Variants in MAG observed in about 807,000 individuals in gnomAD.
MAG encodes myelin-associated glycoprotein.
In MAG, 30 loss-of-function variants were observed where a neutral mutation model predicts 60.7. The observed-to-expected ratio is 0.49, with a 90% CI of 0.37 to 0.67. MAG has a LOEUF of 0.67. MAG is among the 30% of genes least tolerant of loss of function. MAG has a pLI of 0.00. For synonymous variants in MAG, 384 were observed against 376.8 expected, an observed-to-expected ratio of 1.02 and a Z score of -0.22; for missense variants, 795 against 851.7, an observed-to-expected ratio of 0.93 and a Z score of 0.83.
intron 7 of MAG, among the ~76,000 whole-genome samples, chr19:35,303,562 T>C (rs1268845004): frequency 6.6e-6 from 1 of 152,144 alleles, no homozygotes; most frequent in Non-Finnish European, 1.5e-5. Context: ...CCTCATCCTA[T>C]GTTATGACAG....
chr19:35,302,784 G>A (rs1442194430), intron 7 of MAG, 76 bp downstream of exon 7: 12 of 1,553,092 alleles, frequency 7.7e-6, no homozygotes, highest in Admixed American at 1.7e-5. Flanking sequence ...GGGTGCCCAC[G>A]CATCCCAATC....
chr19:35,313,400 C>T lies in MAG; in HGVS notation c.1827C>T (p.Asp609=). The T allele has an allele frequency of 6.2e-7, 1 of 1,614,020 alleles. No homozygotes were observed. The highest frequency in any genetic ancestry group is 8.5e-7 in the Non-Finnish European group (1 of 1,179,962). ...HSDLGKRPTK[D]SYTLTEELAE... ...ACCTGGGGAAACGGCCCACCAAGGA[C>T]AGCTACACGCTGACGGAGGAGCTAG... The change falls in exon 11 of 11, where the codon GAC becomes GAT. Residue 609 remains aspartate, a synonymous_variant. Coordinates refer to ENST00000392213, the MANE Select transcript of MAG (RefSeq NM_002361.4).
intron 1 of MAG, among the ~76,000 whole-genome samples, chr19:35,292,444 C>T (rs1191586460): frequency 6.6e-6 from 1 of 152,026 alleles, no homozygotes; most frequent in African/African-American, 2.4e-5. Flanking sequence ...CCCCCCTCAG[C>T]ACCCCTTGTG....
At chr19:35,313,264 T>A in intron 10 of MAG, 26 bp from the exon 11 acceptor site, 1 of 1,606,558 alleles carries the variant, frequency 6.2e-7, no homozygotes, top group East Asian at 2.2e-5. Context: ...AGCAGGACCC[T>A]GCTAATGGGC....
intron 4 of MAG, among the ~76,000 whole-genome samples, chr19:35,297,132 CACACACACCACACCAA>C (rs1302861400): frequency 1.4e-4 from 21 of 150,816 alleles, no homozygotes; most frequent in African/African-American, 4.6e-4. Flanking sequence ...CCACACACCA[CACACACACCACACCAA>C]ACACACACCA....
intron 4 of MAG, among the ~76,000 whole-genome samples, chr19:35,298,185 C>G (rs2066417204): frequency 6.6e-6 from 1 of 150,894 alleles, no homozygotes; most frequent in Non-Finnish European, 1.5e-5. Context: ...CACGCACACA[C>G]TACACCCTAT....
intron 7 of MAG, among the ~76,000 whole-genome samples, chr19:35,304,279 TG>T (rs1274601815): frequency 6.6e-6 from 1 of 152,144 alleles, no homozygotes. Flanking sequence ...CGTGCTATCC[TG>T]GGCCAGCTTC....
Position 35,299,754 on chromosome 19 carries a change from C to T in MAG, c.616C>T (p.Pro206Ser). The stretch of plus-strand genomic sequence containing the variant: ...GCAGGTGTCACTGCTGCACTTCGTG[C>T]CCACGAGGGAGGCCAACGGCCACAG... ...WVQVSLLHFV[P>S]TREANGHRLG... is the part of the protein sequence containing the mutation. Residue 206 changes from proline (P) to serine (S), a missense_variant, in exon 5 of 11, where the codon CCC (proline) becomes TCC (serine). Coordinates refer to ENST00000392213, the MANE Select transcript of MAG (RefSeq NM_002361.4). 1 of 1,555,290 alleles carries T rather than the reference C, an allele frequency of 6.4e-7. No individual in the cohort carries two copies.
intron 7 of MAG, among the ~76,000 whole-genome samples, chr19:35,307,746 A>T (rs1387176840): frequency 6.6e-6 from 1 of 152,168 alleles, no homozygotes; most frequent in Non-Finnish European, 1.5e-5. Context: ...ATGAAAGAAA[A>T]AACCTACCAG....
intron 7 of MAG, among the ~76,000 whole-genome samples, chr19:35,308,310 G>C (rs2066499866): frequency 6.6e-6 from 1 of 152,236 alleles, no homozygotes; most frequent in South Asian, 2.1e-4. Flanking sequence ...AGACCCTGGA[G>C]TGGGAGAAAG....
chr19:35,313,505 C>A lies in MAG; in HGVS notation c.*51C>A, dbSNP rs199585863. ...TGACCCCCCTCAGGACCCTCGCTGG[C>A]CCCCACTGGCTGTGGGCTCCCTTCC... On this transcript the variant is annotated 3_prime_UTR_variant, in exon 11 of 11. Transcript: ENST00000392213. 2 of 1,523,270 alleles carry A rather than the reference C, an allele frequency of 1.3e-6. No individual in the cohort carries two copies. Among genetic ancestry groups the A allele is most frequent in the Non-Finnish European group, 1.8e-6 (2 of 1,133,496 alleles). The allele number at this position is 1,523,270 out of a possible 1,614,324, so 94.4% of individuals were successfully genotyped here.
rs2066544991 is a variant in MAG at position 35,313,519 on chromosome 19, G to A, written c.*65G>A. 2.7e-6 allele frequency: 4 copies of A among 1,483,418 alleles called. No homozygotes were observed. 91.9% of individuals were successfully genotyped at this position (1,483,418 alleles called of 1,614,324 possible). ...ACCCTCGCTGGCCCCCACTGGCTGT[G>A]GGCTCCCTTCCTCCCAAAAGTATCG... On this transcript the variant is annotated 3_prime_UTR_variant, in exon 11 of 11. Coordinates refer to ENST00000392213, the MANE Select transcript of MAG (RefSeq NM_002361.4).
intron 5 of MAG, 67 bp from the exon 6 acceptor site, chr19:35,300,080 C>T: frequency 6.9e-7 from 1 of 1,459,306 alleles, no homozygotes; most frequent in South Asian, 1.4e-5. Flanking sequence ...CGGGGCCGGG[C>T]TGGGAGAGGG....
Position 35,300,259 on chromosome 19 carries a change from G to C in MAG, c.825G>C (p.Arg275=). ...SNPPPLLTWM[R]DGTVLREAVA... ...CCCCGCCGCTGCTGACCTGGATGCG[G>C]GACGGGACAGTCCTCCGGGAGGCGG... The change falls in exon 6 of 11, where the codon CGG becomes CGC. Residue 275 remains arginine (R), a synonymous_variant. Transcript: ENST00000392213. 1 of 1,597,970 alleles carries C rather than the reference G, an allele frequency of 6.3e-7. No individual in the cohort carries two copies. The highest frequency in any genetic ancestry group is 8.5e-7 in the Non-Finnish European group (1 of 1,177,154).
rs1351861925 is a variant in MAG at position 35,300,077 on chromosome 19, G to T, written c.713-70G>T. On this transcript the variant is annotated intron_variant, in intron 5 of 10. Coordinates refer to ENST00000392213, the MANE Select transcript of MAG (RefSeq NM_002361.4). ...GCCGGACAGTGTTGGGGGCGGGGCC[G>T]GGCTGGGAGAGGGCACTGGGCCGGT... 5 of 1,454,712 alleles carry T rather than the reference G, an allele frequency of 3.4e-6. No homozygotes were observed. The East Asian group carries it at 7.3e-5, about 21-fold the overall frequency. The allele number at this position is 1,454,712 out of a possible 1,614,324, so 90.1% of individuals were successfully genotyped here.
chr19:35,293,207 G>A lies in MAG; in HGVS notation c.-80+1003G>A, dbSNP rs559444157. Among the ~76,000 whole-genome samples the A allele has an allele frequency of 3.9e-5, 6 of 151,908 alleles. 1 individual carries two copies. In the South Asian group the frequency reaches 8.3e-4, roughly 21 times the overall value. Reference sequence around the variant, plus strand: ...CATCGGCGCGTGTCTGAGTGGACGCGTCTATAGCCATCCTCAGTGTGTGTG... The same window carrying A: ...CATCGGCGCGTGTCTGAGTGGACGCATCTATAGCCATCCTCAGTGTGTGTG... On this transcript the variant is annotated intron_variant, in intron 1 of 10. Transcript: ENST00000392213. The surrounding 1 kb of genome is among the most constrained non-coding windows in gnomAD (Gnocchi z 4.0).
chr19:35,309,419 G>A (rs576745208), intron 7 of MAG, among the ~76,000 whole-genome samples: 98 of 152,138 alleles, frequency 6.4e-4, no homozygotes, highest in African/African-American at 2.4e-3. Context: ...GGCTGGGGCT[G>A]GTTTCTTTCA....
At chr19:35,298,346 C>T (rs947642430) in intron 4 of MAG, among the ~76,000 whole-genome samples, 2 of 147,582 alleles carry the variant, frequency 1.4e-5, no homozygotes, top group Admixed American at 6.7e-5. Context: ...ACACACTCTA[C>T]CTACACACTA....
rs185492276 is a variant in MAG, at chr19:35,313,737, G to T, written c.*283G>T. 9 of 313,152 alleles carry T rather than the reference G, an allele frequency of 2.9e-5. No individual in the cohort carries two copies. The highest frequency in any genetic ancestry group is 1.9e-4 in the African/African-American group (9 of 46,912). 19.4% of individuals were successfully genotyped at this position (313,152 alleles called of 1,614,324 possible). A position where few individuals can be genotyped will look rare whatever the true frequency, so the allele number is the denominator to read the frequency against. On this transcript the variant is annotated 3_prime_UTR_variant, in exon 11 of 11. Transcript: ENST00000392213. Reference sequence around the variant, plus strand: ...TGTTATTTATTGCTACTTCCTGCCTGGTCTCCTGCCCCCACACCTGGCCCT... The same window carrying T: ...TGTTATTTATTGCTACTTCCTGCCTTGTCTCCTGCCCCCACACCTGGCCCT...
Sources: allele counts gnomAD v4.1 joint callset (sites outside exome capture counted in the v4.1 genomes callset), GRCh38; gene constraint gnomAD v4.1.1; non-coding constraint Gnocchi (gnomAD v3.1); transcripts MANE v1.5; gene names NCBI Gene and HGNC (gene_info 2026-07-23, HGNC 2026-07-21).